The following GOLGA6L9 variants were observed in gnomAD, a reference collection of about 807,000 sequenced individuals.
GOLGA6L9 encodes golgin subfamily A member 6-like protein 9.
A neutral mutation model predicts 51.3 loss-of-function variants in GOLGA6L9; 19 were observed. The observed-to-expected ratio is 0.37, with a 90% CI of 0.26 to 0.54. GOLGA6L9 has a LOEUF of 0.54. Among genes scored for constraint, GOLGA6L9 ranks in the 20% least tolerant of loss-of-function variants. GOLGA6L9 has a pLI of 0.83. For synonymous variants in GOLGA6L9, 97 were observed against 184.2 expected, an observed-to-expected ratio of 0.53 and a Z score of 3.83; for missense variants, 247 against 464.1, an observed-to-expected ratio of 0.53 and a Z score of 4.30.
chr15:82,434,955 C>G (rs1467783976), intron 7 of GOLGA6L9, 26 bp downstream of exon 7: 1 of 1,330,192 alleles, frequency 7.5e-7, no homozygotes, highest in Admixed American at 2.5e-5. Context: ...CTGTAACCTC[C>G]GACCCATCCA....
At chr15:82,417,815 G>A in the GOLGA6L9 span, among the ~76,000 whole-genome samples, 5 of 152,302 alleles carry the variant, frequency 3.3e-5, no homozygotes, top group East Asian at 1.9e-4. Flanking sequence ...CAAAATCTGA[G>A]TGAGTGCCTG....
At chr15:82,418,315 A>AT in the GOLGA6L9 span, among the ~76,000 whole-genome samples, 2 of 152,154 alleles carry the variant, frequency 1.3e-5, no homozygotes, top group African/African-American at 2.4e-5. Context: ...GAAATACAGC[A>AT]TTTGGAAGGG....
the GOLGA6L9 span, among the ~76,000 whole-genome samples, chr15:82,417,125 C>T: frequency 6.6e-6 from 1 of 152,176 alleles, no homozygotes; most frequent in Non-Finnish European, 1.5e-5. Flanking sequence ...TTGTAATTGA[C>T]TTTTCTTTGA....
At chr15:82,416,712 CA>C in the GOLGA6L9 span, among the ~76,000 whole-genome samples, 1 of 152,150 alleles carries the variant, frequency 6.6e-6, no homozygotes, top group African/African-American at 2.4e-5. Context: ...TGATTTTAGT[CA>C]GGGTAAAGCT....
upstream of GOLGA6L9, among the ~76,000 whole-genome samples, chr15:82,429,450 A>C (rs2031321347): frequency 6.6e-6 from 1 of 152,186 alleles, no homozygotes. Flanking sequence ...ATGTAGGAGA[A>C]TAAGACAAAC....
At chr15:82,418,634 A>G in the GOLGA6L9 span, 2 of 152,352 alleles carry the variant, frequency 1.3e-5, no homozygotes, top group East Asian at 3.9e-4. Context: ...GTACATCCCC[A>G]GAAGTTGTCT....
intron 5 of GOLGA6L9, among the ~76,000 whole-genome samples, 154 bp from the exon 6 acceptor site, chr15:82,433,880 A>G (rs2031527996): frequency 8.0e-6 from 1 of 124,584 alleles, no homozygotes; most frequent in Non-Finnish European, 1.6e-5. Context: ...TCTGAAAGTG[A>G]CTTGGAAGAT....
intron 5 of GOLGA6L9, 126 bp from the exon 6 acceptor site, chr15:82,433,908 T>C: frequency 7.8e-7 from 1 of 1,286,854 alleles, no homozygotes; most frequent in Non-Finnish European, 1.0e-6. Context: ...CATCCGGGTG[T>C]GAGGAGTCAT....
At chr15:82,416,273 T>C in the GOLGA6L9 span, among the ~76,000 whole-genome samples, 2 of 152,182 alleles carry the variant, frequency 1.3e-5, no homozygotes, top group Non-Finnish European at 2.9e-5. Flanking sequence ...GTAGGAAATA[T>C]TGCTGATGTA....
Position 82,438,035 on chromosome 15 carries a change from GAC to G in GOLGA6L9, c.*1626_*1627del, listed in dbSNP as rs2031769750. 6.6e-6 allele frequency: 1 copy of G among 150,990 alleles called. No individual in the cohort carries two copies. Among genetic ancestry groups the G allele is most frequent in the Non-Finnish European group, 1.5e-5 (1 of 67,788 alleles). The allele number at this position is 150,990 out of a possible 1,614,324, so 9.4% of individuals were successfully genotyped here. A position where few individuals can be genotyped will look rare whatever the true frequency, so the allele number is the denominator to read the frequency against. ...TTGCATTCTTTGAGTTCAGTTTAAA[GAC>G]AGTTACTTTAAGCCCATTTTAAACC... On this transcript the variant is annotated 3_prime_UTR_variant, in exon 9 of 9. Coordinates refer to ENST00000618348, the MANE Select transcript of GOLGA6L9 (RefSeq NM_198181.4).
In GOLGA6L9 at chr15:82,438,222, G is replaced by C. The variant is rs2150833990; in HGVS notation, c.*1811G>C. 2 of 148,004 alleles carry C rather than the reference G, an allele frequency of 1.4e-5. No homozygotes were observed. Among genetic ancestry groups the C allele is most frequent in the South Asian group, 4.3e-4 (2 of 4,680 alleles). 9.2% of individuals were successfully genotyped at this position (148,004 alleles called of 1,614,324 possible). ...TTACCCTGACACGTATAAATGACTA[G>C]GAATGACCTTCAGATAGCATTTAGC... On this transcript the variant is annotated 3_prime_UTR_variant, in exon 9 of 9. Coordinates refer to ENST00000618348, the MANE Select transcript of GOLGA6L9 (RefSeq NM_198181.4).
chr15:82,429,881 A>C lies in GOLGA6L9; in HGVS notation c.-199A>C, dbSNP rs1259432821. ...TGGGCAGCTTTCCTTATGATGCTAC[A>C]GGTCCCTCTGGACATGCTGCGCCTG... On this transcript the variant is annotated 5_prime_UTR_variant, in exon 1 of 9. Coordinates refer to ENST00000618348, the MANE Select transcript of GOLGA6L9 (RefSeq NM_198181.4). 1 of 753,052 alleles carries C rather than the reference A, an allele frequency of 1.3e-6. No homozygotes were observed. The highest frequency in any genetic ancestry group is 2.4e-6 in the Non-Finnish European group (1 of 423,252). The allele number at this position is 753,052 out of a possible 1,614,324, so 46.6% of individuals were successfully genotyped here. A position where few individuals can be genotyped will look rare whatever the true frequency, so the allele number is the denominator to read the frequency against.
At chr15:82,424,634 T>G in the GOLGA6L9 span, among the ~76,000 whole-genome samples, 4 of 151,752 alleles carry the variant, frequency 2.6e-5, no homozygotes, top group South Asian at 8.5e-4. Context: ...CCGTAGACAC[T>G]CAGTAATCGA....
At chr15:82,422,185 GA>G in the GOLGA6L9 span, among the ~76,000 whole-genome samples, 1 of 151,206 alleles carries the variant, frequency 6.6e-6, no homozygotes, top group African/African-American at 2.4e-5. Flanking sequence ...TGTCTTAGTG[GA>G]ATCCCAGGAG....
rs2031588422 is a variant in GOLGA6L9 at position 82,434,537 on chromosome 15, C to G, written c.937C>G (p.Leu313Val). The change falls in exon 6 of 9, where the codon CTG (leucine) becomes GTG (valine). Residue 313 changes from leucine to valine, a missense_variant. Coordinates refer to ENST00000618348, the MANE Select transcript of GOLGA6L9 (RefSeq NM_198181.4). ...LERLRELERMLELGWEALYEQ... is the reference protein window; with the variant it reads ...LERLRELERMVELGWEALYEQ... ...GAGGCTGCGGGAGCTGGAGAGGATG[C>G]TGGAGCTGGGGTGGGAAGCCCTGTA... 1 of 1,565,342 alleles carries G rather than the reference C, an allele frequency of 6.4e-7. No individual in the cohort carries two copies. Among genetic ancestry groups the G allele is most frequent in the East Asian group, 2.3e-5 (1 of 43,700 alleles).
chr15:82,433,187 A>G (rs62011158), intron 4 of GOLGA6L9, among the ~76,000 whole-genome samples: 48,142 of 145,010 alleles, frequency 0.33, 8,948 homozygotes, highest in East Asian at 0.59. Flanking sequence ...TGGTTGTCAG[A>G]GGTCCATATT....
chr15:82,420,659 C>T, the GOLGA6L9 span, among the ~76,000 whole-genome samples: 3 of 151,614 alleles, frequency 2.0e-5, no homozygotes, highest in Non-Finnish European at 4.4e-5. Flanking sequence ...TGGAACCAGA[C>T]AGTCTGACTG....
At chr15:82,419,190 TC>T in the GOLGA6L9 span, 1 of 252,564 alleles carries the variant, frequency 4.0e-6, no homozygotes, top group Non-Finnish European at 8.0e-6. Context: ...TTTGTATGTT[TC>T]CTTTTTTCTT....
In GOLGA6L9 at chr15:82,431,934, C is replaced by A; in HGVS notation, c.189C>A (p.Tyr63Ter). The change falls in exon 2 of 9, where the codon TAC becomes TAA. Residue 63 changes from tyrosine (Y) to a stop codon, truncating the protein, a stop_gained. Coordinates refer to ENST00000618348, the MANE Select transcript of GOLGA6L9 (RefSeq NM_198181.4). LOFTEE classifies it high-confidence loss of function. ...CTGACACATTCACTTCTGGTGGTTA[C>A]CACTCACCTGGGGATGTGAGTCTCG... Reference protein sequence around the residue: ...SSPDTFTSGGYHSPGDSATGI... With the variant: ...SSPDTFTSGG 7.4e-7 allele frequency: 1 copy of A among 1,352,402 alleles called. No individual in the cohort carries two copies. Among genetic ancestry groups the A allele is most frequent in the Non-Finnish European group, 9.8e-7 (1 of 1,022,628 alleles). 83.8% of individuals were successfully genotyped at this position (1,352,402 alleles called of 1,614,324 possible).
Sources: gnomAD v4.1 joint callset for allele counts (sites outside exome capture counted in the v4.1 genomes callset) on GRCh38, gnomAD v4.1.1 for gene constraint, MANE v1.5 for transcripts, NCBI Gene and HGNC (gene_info 2026-07-23, HGNC 2026-07-21) for gene names.